GPC5: variants seen among roughly 807,000 people sequenced by gnomAD.
The protein encoded by GPC5 is glypican-5.
In GPC5, 47 loss-of-function variants were observed where a neutral mutation model predicts 53.9. That is an observed-to-expected ratio of 0.87 (90% CI 0.69 to 1.11). The LOEUF is 1.11. GPC5 is among the 50% of genes most tolerant of loss of function. The pLI is 0.00. For synonymous variants in GPC5, 286 were observed against 263.3 expected, an observed-to-expected ratio of 1.09 and a Z score of -0.84; for missense variants, 748 against 713.1, an observed-to-expected ratio of 1.05 and a Z score of -0.56.
At chr13:92,163,339 T>C (rs1174151641) in intron 7 of GPC5, among the ~76,000 whole-genome samples, 1 of 151,588 alleles carries the variant, frequency 6.6e-6, no homozygotes, top group Admixed American at 6.6e-5. Flanking sequence ...TGCATGTCTG[T>C]AGTCCCAGCT....
chr13:92,027,747 A>G (rs2040811431), intron 6 of GPC5, among the ~76,000 whole-genome samples: 1 of 152,308 alleles, frequency 6.6e-6, no homozygotes, highest in South Asian at 2.1e-4. Flanking sequence ...TTACCCATTC[A>G]CTTAACAACA....
chr13:92,214,704 A>G (rs1435976620), intron 7 of GPC5, among the ~76,000 whole-genome samples: 1 of 152,190 alleles, frequency 6.6e-6, no homozygotes, highest in Non-Finnish European at 1.5e-5. Flanking sequence ...AATCCCTGGA[A>G]ATCTGTGACT....
intron 7 of GPC5, among the ~76,000 whole-genome samples, chr13:92,316,130 T>TA (rs1186436420): frequency 6.6e-6 from 1 of 152,056 alleles, no homozygotes. Context: ...AACCAGTGTA[T>TA]AATGCTGAGA....
chr13:91,834,525 A>C (rs542832967), intron 5 of GPC5, among the ~76,000 whole-genome samples: 34 of 152,306 alleles, frequency 2.2e-4, no homozygotes, highest in Admixed American at 9.2e-4. Context: ...CCAAAGCAGC[A>C]TGGTACTGGT....
At position 92,741,213 on chromosome 13, in the gene GPC5, C is replaced by T. The variant is rs1055619571; in HGVS notation, c.1562-125069C>T. ...CAAGCATGTAGAATAGCAAGCAGAA[C>T]GGGCATTCATGAGGTGATGTTTAGA... On this transcript the variant is annotated intron_variant, in intron 7 of 7. Coordinates refer to ENST00000377067, the MANE Select transcript of GPC5 (RefSeq NM_004466.6). Among the ~76,000 whole-genome samples, 9 of 150,624 alleles carry T rather than the reference C, an allele frequency of 6.0e-5. No homozygotes were observed. The East Asian group carries it at 8.0e-4, about 13-fold the overall frequency.
intron 7 of GPC5, among the ~76,000 whole-genome samples, chr13:92,382,002 C>CTATA (rs1275270597): frequency 6.8e-6 from 1 of 146,862 alleles, no homozygotes; most frequent in Non-Finnish European, 1.5e-5. Context: ...ATCTATCTAT[C>CTATA]TATATATCTA....
At chr13:92,079,504 A>T (rs1007644665) in intron 6 of GPC5, among the ~76,000 whole-genome samples, 5 of 152,202 alleles carry the variant, frequency 3.3e-5, no homozygotes, top group Non-Finnish European at 7.3e-5. Flanking sequence ...AGTATTTGTC[A>T]TAATACGTAC....
At chr13:92,076,378 A>C (rs2041252624) in intron 6 of GPC5, among the ~76,000 whole-genome samples, 1 of 152,026 alleles carries the variant, frequency 6.6e-6, no homozygotes, top group South Asian at 2.1e-4. Flanking sequence ...GCGAAAGTAT[A>C]ATTTTCATAG....
At chr13:91,954,151 C>T (rs1223537235) in intron 6 of GPC5, among the ~76,000 whole-genome samples, 1 of 152,034 alleles carries the variant, frequency 6.6e-6, no homozygotes, top group Non-Finnish European at 1.5e-5. Flanking sequence ...TAAGGTTTTG[C>T]AACCATTTTA....
intron 7 of GPC5, among the ~76,000 whole-genome samples, chr13:92,343,234 C>T (rs368088461): frequency 1.1e-4 from 17 of 152,202 alleles, no homozygotes; most frequent in South Asian, 6.2e-4. Context: ...GATACTTCAC[C>T]GTCAGTTAGA....
At chr13:92,189,282 G>A (rs1206972845) in intron 7 of GPC5, among the ~76,000 whole-genome samples, 3 of 152,026 alleles carry the variant, frequency 2.0e-5, no homozygotes, top group African/African-American at 7.2e-5. Flanking sequence ...CAATCTTTTG[G>A]GATTTCATTA....
At chr13:91,953,590 C>CCTAGT (rs1303444667) in intron 6 of GPC5, among the ~76,000 whole-genome samples, 2 of 152,164 alleles carry the variant, frequency 1.3e-5, no homozygotes, top group East Asian at 3.9e-4. Flanking sequence ...ATAGGATTGC[C>CCTAGT]CTAGTTCATT....
intron 7 of GPC5, among the ~76,000 whole-genome samples, chr13:92,724,910 A>C (rs1377981778): frequency 6.9e-6 from 1 of 144,654 alleles, no homozygotes; most frequent in Admixed American, 7.0e-5. Context: ...ACACACACAC[A>C]CAAGAAAGAA....
chr13:92,010,441 A>G (rs1480736002), intron 6 of GPC5, among the ~76,000 whole-genome samples: 1 of 152,228 alleles, frequency 6.6e-6, no homozygotes, highest in African/African-American at 2.4e-5. Context: ...GGCAAGGGAA[A>G]AAAAGTTGAG....
At chr13:92,019,373 G>A (rs1167969478) in intron 6 of GPC5, among the ~76,000 whole-genome samples, 1 of 152,030 alleles carries the variant, frequency 6.6e-6, no homozygotes, top group Non-Finnish European at 1.5e-5. Context: ...GTACGTGATT[G>A]TAACAGATTA....
chr13:91,853,522 T>G (rs780169161), intron 5 of GPC5, among the ~76,000 whole-genome samples: 1 of 151,964 alleles, frequency 6.6e-6, no homozygotes, highest in Non-Finnish European at 1.5e-5. Flanking sequence ...CTGGTTTAGA[T>G]ACAGCTAAAG....
At chr13:92,766,520 T>C (rs776289267) in intron 7 of GPC5, among the ~76,000 whole-genome samples, 2 of 152,154 alleles carry the variant, frequency 1.3e-5, no homozygotes, top group African/African-American at 2.4e-5. Flanking sequence ...ACTTAAAAAG[T>C]CAACAATGTT....
Position 92,742,588 on chromosome 13 carries a change from A to T in GPC5, c.1562-123694A>T, listed in dbSNP as rs1309852531. Among the ~76,000 whole-genome samples the T allele has an allele frequency of 1.3e-5, 2 of 150,990 alleles. 1 individual carries two copies. The highest frequency in any genetic ancestry group is 6.3e-3 in the Middle Eastern group (2 of 316). ...TGTGCAGAAGCTCTTTAGTTTAATT[A>T]GATCCCATTTGTCAATTTTGGCCTT... is the stretch of plus-strand genomic sequence containing the variant. On this transcript the variant is annotated intron_variant, in intron 7 of 7. Transcript: ENST00000377067.
intron 7 of GPC5, among the ~76,000 whole-genome samples, chr13:92,158,131 T>G (rs2041958807): frequency 6.6e-6 from 1 of 152,172 alleles, no homozygotes; most frequent in Admixed American, 6.5e-5. Flanking sequence ...CTAAAATTCA[T>G]GACAGACAAA....
Sources: gnomAD v4.1 joint callset for allele counts (sites outside exome capture counted in the v4.1 genomes callset) on GRCh38, gnomAD v4.1.1 for gene constraint, MANE v1.5 for transcripts, NCBI Gene and HGNC (gene_info 2026-07-23, HGNC 2026-07-21) for gene names.